NRXN3: variants seen among roughly 807,000 people sequenced by gnomAD.
The protein encoded by NRXN3 is neurexin 3, also known as neurexin III.
A neutral mutation model predicts 137.6 loss-of-function variants in NRXN3; 32 were observed. That is an observed-to-expected ratio of 0.23 (90% CI 0.18 to 0.31). NRXN3 has a LOEUF of 0.31. Among genes scored for constraint, NRXN3 ranks in the 10% least tolerant of loss-of-function variants. NRXN3 has a pLI of 1.00. For synonymous variants in NRXN3, 798 were observed against 784.5 expected (o/e 1.02, Z -0.29); for missense variants, 1,574 against 2,062.5 (o/e 0.76, Z 4.59).
chr14:79,023,327 G>C (rs955255161), intron 15 of NRXN3, among the ~76,000 whole-genome samples: 1 of 151,928 alleles, frequency 6.6e-6, no homozygotes, highest in African/African-American at 2.4e-5. Context: ...AACAGACCAA[G>C]CTCCAAGCTT....
At chr14:79,127,799 T>C (rs565481022) in intron 15 of NRXN3, among the ~76,000 whole-genome samples, 6 of 152,328 alleles carry the variant, frequency 3.9e-5, no homozygotes, top group South Asian at 4.1e-4. Context: ...TGATTCTTCC[T>C]ACCGATGAGC....
intron 10 of NRXN3, 32 bp from the exon 11 acceptor site, chr14:78,957,210 A>G (rs751098508): frequency 1.9e-5 from 30 of 1,610,820 alleles, no homozygotes; most frequent in Middle Eastern, 1.6e-4. Context: ...TTCAGAATTG[A>G]TTCTAACTTT....
chr14:79,345,510 C>T (rs1053850886), intron 15 of NRXN3, among the ~76,000 whole-genome samples: 4 of 152,136 alleles, frequency 2.6e-5, no homozygotes, highest in African/African-American at 9.7e-5. Context: ...AATGCCATGT[C>T]TTAGCAGGAT....
chr14:79,693,200 G>A (rs1224915420), intron 18 of NRXN3, among the ~76,000 whole-genome samples: 1 of 151,984 alleles, frequency 6.6e-6, no homozygotes, highest in Non-Finnish European at 1.5e-5. Context: ...TTGAGCCAGT[G>A]TAAGCTACTC....
intron 4 of NRXN3, among the ~76,000 whole-genome samples, chr14:78,328,501 CAA>C (rs573875776): frequency 1.7e-3 from 254 of 152,204 alleles, no homozygotes; most frequent in African/African-American, 5.6e-3. Flanking sequence ...AAAAATGAAA[CAA>C]GAGCTTGTCT....
At chr14:78,986,254 T>C (rs2099504092) in intron 14 of NRXN3, among the ~76,000 whole-genome samples, 1 of 152,210 alleles carries the variant, frequency 6.6e-6, no homozygotes, top group South Asian at 2.1e-4. Flanking sequence ...AGTTCCTGAC[T>C]AATACATTTG....
chr14:78,272,060 C>T (rs2072847261), intron 2 of NRXN3, among the ~76,000 whole-genome samples: 1 of 152,122 alleles, frequency 6.6e-6, no homozygotes. Flanking sequence ...GTCAATAGGC[C>T]ACTGGGGAGG....
chr14:78,518,323 A>T lies in NRXN3; in HGVS notation c.758-126797A>T, dbSNP rs1015662156. On this transcript the variant is annotated intron_variant, in intron 4 of 20. Transcript: ENST00000335750. The stretch of plus-strand genomic sequence containing the variant: ...TGGTAATTTACATGGAGTCTCACCC[A>T]CCTGGAAGGATTGCAGTCTTTATGT... 6.2e-4 allele frequency among the ~76,000 whole-genome samples: 95 copies of T among 152,070 alleles called. 4 individuals carry two copies. The highest frequency in any genetic ancestry group is 1.9e-4 in the Non-Finnish European group (13 of 67,988).
chr14:78,865,122 C>A (rs1464705438), intron 10 of NRXN3, among the ~76,000 whole-genome samples: 2 of 152,088 alleles, frequency 1.3e-5, no homozygotes, highest in Non-Finnish European at 2.9e-5. Context: ...CCATGGCACT[C>A]ATTAATGTCT....
chr14:78,366,026 G>A (rs1229173385), intron 4 of NRXN3, among the ~76,000 whole-genome samples: 1 of 152,142 alleles, frequency 6.6e-6, no homozygotes, highest in Non-Finnish European at 1.5e-5. Flanking sequence ...TCACCTAATT[G>A]CTGTGTGATC....
intron 8 of NRXN3, among the ~76,000 whole-genome samples, chr14:78,720,651 C>T (rs765684657): frequency 1.3e-5 from 2 of 152,192 alleles, no homozygotes; most frequent in Non-Finnish European, 2.9e-5. Flanking sequence ...CTCTCTCTTC[C>T]ATCTCTATCA....
chr14:79,139,000 A>C (rs1568404436), intron 15 of NRXN3, among the ~76,000 whole-genome samples: 1 of 152,170 alleles, frequency 6.6e-6, no homozygotes, highest in African/African-American at 2.4e-5. Context: ...TTAATGAAAA[A>C]TTTGCAGGTG....
intron 4 of NRXN3, among the ~76,000 whole-genome samples, chr14:78,396,444 T>C (rs1237149213): frequency 6.6e-6 from 1 of 152,228 alleles, no homozygotes; most frequent in Middle Eastern, 3.2e-3. Context: ...TCCTGATGTT[T>C]TGATTTCTCT....
intron 15 of NRXN3, among the ~76,000 whole-genome samples, chr14:79,034,117 G>T (rs964734293): frequency 2.6e-5 from 4 of 152,024 alleles, no homozygotes; most frequent in Admixed American, 6.6e-5. Context: ...GATTCCTGGA[G>T]CCTCAACATG....
chr14:79,080,002 A>G (rs1471286678), intron 15 of NRXN3, among the ~76,000 whole-genome samples: 1 of 152,124 alleles, frequency 6.6e-6, no homozygotes, highest in East Asian at 1.9e-4. Flanking sequence ...GAAAAAGTCA[A>G]ACTAGATCAC....
At chr14:79,842,598 A>G (rs186394216) in intron 20 of NRXN3, among the ~76,000 whole-genome samples, 3 of 152,270 alleles carry the variant, frequency 2.0e-5, no homozygotes, top group Admixed American at 6.5e-5. Context: ...TCTGATTTTT[A>G]TTGGATACTT....
At chr14:78,692,482 G>A (rs1266055514) in intron 6 of NRXN3, among the ~76,000 whole-genome samples, 2 of 152,162 alleles carry the variant, frequency 1.3e-5, no homozygotes, top group Admixed American at 1.3e-4. Context: ...GCAATTATAG[G>A]ATTCCCTAGA....
intron 15 of NRXN3, among the ~76,000 whole-genome samples, chr14:79,068,269 A>C (rs1282752983): frequency 6.6e-6 from 1 of 152,104 alleles, no homozygotes; most frequent in Non-Finnish European, 1.5e-5. Context: ...GAGAAAGAAT[A>C]CTTTAACTTT....
chr14:79,718,758 A>T (rs1357217344), intron 19 of NRXN3, among the ~76,000 whole-genome samples: 2 of 151,572 alleles, frequency 1.3e-5, no homozygotes, highest in East Asian at 3.9e-4. Context: ...GCAGTTTTTA[A>T]TTTTTTTTTA....
Sources: allele counts gnomAD v4.1 joint callset (sites outside exome capture counted in the v4.1 genomes callset), GRCh38; gene constraint gnomAD v4.1.1; transcripts MANE v1.5; gene names NCBI Gene and HGNC (gene_info 2026-07-23, HGNC 2026-07-21).